The following TENM2 variants were observed in gnomAD, a reference collection of about 807,000 sequenced individuals.
TENM2 encodes teneurin transmembrane protein 2, also known as teneurin-2.
In TENM2, 52 loss-of-function variants were observed where a neutral mutation model predicts 245.2. The observed-to-expected ratio is 0.21, with a 90% CI of 0.17 to 0.27. The LOEUF is 0.27. Among genes scored for constraint, TENM2 ranks in the 10% least tolerant of loss-of-function variants. The pLI is 1.00. For missense variants in TENM2, 3,046 were observed against 3,666.8 expected, an observed-to-expected ratio of 0.83 and a Z score of 4.37; for synonymous variants, 1,363 against 1,438.9, an observed-to-expected ratio of 0.95 and a Z score of 1.19.
intron 2 of TENM2, among the ~76,000 whole-genome samples, chr5:167,742,982 A>G (rs1287834480): frequency 6.2e-5 from 4 of 64,032 alleles, no homozygotes; most frequent in Middle Eastern, 6.2e-3. Flanking sequence ...CTTAAAAACA[A>G]CAACAACAAC....
At chr5:167,515,759 G>A (rs1410663792) in intron 2 of TENM2, among the ~76,000 whole-genome samples, 1 of 142,784 alleles carries the variant, frequency 7.0e-6, no homozygotes, top group Non-Finnish European at 1.5e-5. Flanking sequence ...TCCACCCTCC[G>A]GGTTCATGCC....
exon 1 of TENM2, chr5:167,284,969 G>A (rs1452773889): frequency 6.4e-7 from 1 of 1,551,774 alleles, no homozygotes; most frequent in Admixed American, 2.0e-5. Context: ...GCTCCAGTGA[G>A]ACTCTGAAGG....
chr5:167,401,088 T>C (rs77781334), intron 2 of TENM2, among the ~76,000 whole-genome samples: 2,348 of 152,008 alleles, frequency 0.015, 62 homozygotes, highest in African/African-American at 0.054. Context: ...TGACACTCTG[T>C]CTCTTAAAAA....
At chr5:167,702,758 G>A (rs1202562676) in intron 2 of TENM2, among the ~76,000 whole-genome samples, 4 of 151,930 alleles carry the variant, frequency 2.6e-5, no homozygotes, top group Non-Finnish European at 5.9e-5. Context: ...TCCGCCTCCT[G>A]GGCTCAAGCG....
intron 2 of TENM2, among the ~76,000 whole-genome samples, chr5:167,407,091 T>C (rs1044834236): frequency 6.6e-6 from 1 of 152,180 alleles, no homozygotes; most frequent in African/African-American, 2.4e-5. Flanking sequence ...TAATTCTACA[T>C]GCAGTTGAAA....
chr5:166,992,550 G>A, the TENM2 span, among the ~76,000 whole-genome samples: 3 of 152,142 alleles, frequency 2.0e-5, no homozygotes, highest in African/African-American at 7.2e-5. Context: ...GTTTCAAAGT[G>A]CTCCATGTCA....
intron 12 of TENM2, among the ~76,000 whole-genome samples, chr5:168,152,854 A>G (rs1054242915): frequency 3.3e-5 from 5 of 152,126 alleles, no homozygotes; most frequent in African/African-American, 1.2e-4. Context: ...CCACATCCGC[A>G]TTCATACACA....
At chr5:167,357,223 A>G (rs1759394961) in intron 1 of TENM2, among the ~76,000 whole-genome samples, 1 of 152,110 alleles carries the variant, frequency 6.6e-6, no homozygotes, top group Non-Finnish European at 1.5e-5. Context: ...CTTATACTTC[A>G]GGAATAACAT....
At chr5:167,119,109 C>T in the TENM2 span, among the ~76,000 whole-genome samples, 80 of 152,270 alleles carry the variant, frequency 5.3e-4, 1 homozygote, top group African/African-American at 1.7e-3. Flanking sequence ...CCCTTTCTGC[C>T]TCAGTTTCCT....
chr5:167,209,165 A>C, the TENM2 span, among the ~76,000 whole-genome samples: 1 of 152,214 alleles, frequency 6.6e-6, no homozygotes, highest in Admixed American at 6.5e-5. Flanking sequence ...AACACTACCT[A>C]CTTCATATCG....
the TENM2 span, among the ~76,000 whole-genome samples, chr5:167,055,018 A>G: frequency 6.6e-6 from 1 of 152,048 alleles, no homozygotes; most frequent in Non-Finnish European, 1.5e-5. Context: ...GCAGAGCAGA[A>G]TTTTTAATTT....
At chr5:167,720,048 C>T (rs1582834434) in intron 2 of TENM2, among the ~76,000 whole-genome samples, 1 of 152,138 alleles carries the variant, frequency 6.6e-6, no homozygotes, top group Admixed American at 6.6e-5. Context: ...TGAGGAAGCT[C>T]TGTGTCTAAT....
At chr5:167,452,422 G>A (rs1476622766) in intron 2 of TENM2, among the ~76,000 whole-genome samples, 2 of 152,104 alleles carry the variant, frequency 1.3e-5, no homozygotes, top group African/African-American at 4.8e-5. Flanking sequence ...CTTATGGTTG[G>A]GAACAGAAGT....
intron 1 of TENM2, among the ~76,000 whole-genome samples, chr5:167,302,242 T>A (rs1405822607): frequency 6.6e-6 from 1 of 152,136 alleles, no homozygotes; most frequent in East Asian, 1.9e-4. Context: ...CTGTCGAGTT[T>A]ATATTGGGGT....
chr5:167,324,036 G>A (rs1307198062), intron 1 of TENM2, among the ~76,000 whole-genome samples: 1 of 152,166 alleles, frequency 6.6e-6, no homozygotes, highest in Non-Finnish European at 1.5e-5. Flanking sequence ...TCTTAGCCGT[G>A]ACCTTCATTG....
rs1767626014 is a variant in TENM2 at position 167,479,581 on chromosome 5, T to A, written c.502+104108T>A. ...TAAAATATTATTACCTGGAAAATCATCTTTAAAAAAAGCAGATTATAATAC... is the reference window on the plus strand; with the variant it reads ...TAAAATATTATTACCTGGAAAATCAACTTTAAAAAAAGCAGATTATAATAC... On this transcript the variant is annotated intron_variant, in intron 2 of 28. Transcript: ENST00000518659. Among the ~76,000 whole-genome samples the A allele has an allele frequency of 2.0e-5, 3 of 152,294 alleles. 1 individual carries two copies. Among genetic ancestry groups the A allele is most frequent in the East Asian group, 3.9e-4 (2 of 5,180 alleles).
intron 2 of TENM2, among the ~76,000 whole-genome samples, chr5:167,734,264 A>G (rs141473435): frequency 2.4e-3 from 363 of 152,126 alleles, no homozygotes; most frequent in Non-Finnish European, 3.8e-3. Context: ...CCCTCATCTC[A>G]TCTTTGAGAT....
chr5:167,758,668 G>A (rs1762464130), intron 2 of TENM2, among the ~76,000 whole-genome samples: 2 of 152,002 alleles, frequency 1.3e-5, no homozygotes, highest in Non-Finnish European at 2.9e-5. Context: ...CTGGTTGTTA[G>A]GACTCACATT....
At chr5:168,083,066 C>T (rs992886283) in intron 7 of TENM2, among the ~76,000 whole-genome samples, 2 of 152,218 alleles carry the variant, frequency 1.3e-5, no homozygotes, top group African/African-American at 4.8e-5. Flanking sequence ...TCTACAGAGG[C>T]AGGAAGGCCT....
Sources: gnomAD v4.1 joint callset for allele counts (sites outside exome capture counted in the v4.1 genomes callset) on GRCh38, gnomAD v4.1.1 for gene constraint, MANE v1.5 for transcripts, NCBI Gene and HGNC (gene_info 2026-07-23, HGNC 2026-07-21) for gene names.